The following RBM22 variants were observed in gnomAD, a reference collection of about 807,000 sequenced individuals.
RBM22 encodes RNA binding motif protein 22.
RBM22 carries 1 observed loss-of-function variant against 50.1 expected under a neutral mutation model. That is an observed-to-expected ratio of 0.02 (90% CI 0.01 to 0.09). The LOEUF (loss-of-function observed/expected upper bound fraction) is 0.09, where lower values mean the gene tolerates loss of function less well. RBM22 is among the 10% of genes least tolerant of loss of function. The pLI is 1.00. For synonymous variants in RBM22, 152 were observed against 179.0 expected, an observed-to-expected ratio of 0.85 and a Z score of 1.20; for missense variants, 264 against 529.3, an observed-to-expected ratio of 0.50 and a Z score of 4.92.
chr5:150,693,423 C>T, intron 8 of RBM22, 116 bp from the exon 9 acceptor site: 1 of 768,676 alleles, frequency 1.3e-6, no homozygotes, highest in Non-Finnish European at 2.1e-6. Context: ...TCAGCACACA[C>T]TCTTTTCCCA....
chr5:150,694,310 G>A, intron 7 of RBM22, 70 bp from the exon 8 acceptor site: 26 of 1,525,702 alleles, frequency 1.7e-5, no homozygotes, highest in Non-Finnish European at 2.2e-5. Flanking sequence ...ACTGAAAATG[G>A]ATTAACTTTC....
rs917329454 is a variant in RBM22 at position 150,700,738 on chromosome 5, G to C, written c.54+194C>G. On this transcript the variant is annotated intron_variant, in intron 1 of 10. Coordinates refer to ENST00000199814, the MANE Select transcript of RBM22 (RefSeq NM_018047.3). ...CAGGGATGGAAAGGGTGCTGGTCCC[G>C]GGACCCTGGCTAAGCCCCCTCCCTT... The C allele has an allele frequency of 7.2e-6, 11 of 1,538,360 alleles. No individual in the cohort carries two copies. In the East Asian group the frequency reaches 2.4e-4, roughly 34 times the overall value.
chr5:150,691,724 A>G lies in RBM22; in HGVS notation c.*27T>C. 1.4e-6 allele frequency: 2 copies of G among 1,480,582 alleles called. No individual in the cohort carries two copies. Among genetic ancestry groups the G allele is most frequent in the South Asian group, 2.9e-5 (2 of 68,290 alleles). The allele number at this position is 1,480,582 out of a possible 1,614,324, so 91.7% of individuals were successfully genotyped here. ...GGGAGTTTTAAGTGCCCTTTCTTCC[A>G]CAGAGCCCCAGAGTGGTGACAAGGT... On this transcript the variant is annotated 3_prime_UTR_variant, in exon 11 of 11. Transcript: ENST00000199814.
intron 1 of RBM22, 51 bp from the exon 2 acceptor site, chr5:150,700,548 A>C (rs572832596): frequency 1.2e-6 from 2 of 1,612,720 alleles, no homozygotes; most frequent in East Asian, 4.5e-5. Flanking sequence ...AGACCCTGAC[A>C]CCTCAGTGAC....
At chr5:150,700,721 G>A in intron 1 of RBM22, 1 of 1,535,330 alleles carries the variant, frequency 6.5e-7, no homozygotes, top group Non-Finnish European at 8.7e-7. Context: ...GGCAGGGATG[G>A]AAAGGGTGCT....
rs1354588832 is a variant in RBM22, at chr5:150,699,400, G to A, written c.109-129C>T. 1.5e-5 allele frequency: 20 copies of A among 1,303,466 alleles called. No individual in the cohort carries two copies. The African/African-American group carries it at 2.9e-4, about 19-fold the overall frequency. The allele number at this position is 1,303,466 out of a possible 1,614,324, so 80.7% of individuals were successfully genotyped here. On this transcript the variant is annotated intron_variant, in intron 2 of 10. Transcript: ENST00000199814. ...CTGGCATCCTAGAGAGAGAAAAACAGCAACAACAAAACCCAAAACCCAACC... is the reference window on the plus strand; with the variant it reads ...CTGGCATCCTAGAGAGAGAAAAACAACAACAACAAAACCCAAAACCCAACC...
At position 150,693,042 on chromosome 5, in the gene RBM22, T is replaced by C; in HGVS notation, c.1001-16A>G. ...GGAGGAAGAGCTGGAGGAGAGAAAA[T>C]AGTCAACACATAGAGGGGAGAACAA... On this transcript the variant is annotated splice_polypyrimidine_tract_variant and intron_variant, in intron 9 of 10. Coordinates refer to ENST00000199814, the MANE Select transcript of RBM22 (RefSeq NM_018047.3). 2.5e-6 allele frequency: 4 copies of C among 1,598,918 alleles called. No homozygotes were observed. Among genetic ancestry groups the C allele is most frequent in the Non-Finnish European group, 3.4e-6 (4 of 1,173,596 alleles).
Position 150,701,012 on chromosome 5 carries a change from G to T in RBM22, c.-27C>A. On this transcript the variant is annotated 5_prime_UTR_variant, in exon 1 of 11. Transcript: ENST00000199814. Reference sequence around the variant, plus strand: ...TTGAGAGCGTCCGGAGGTAGCTGTAGCTTCCGAATTGGGAGAGAGGACCGC... The same window carrying T: ...TTGAGAGCGTCCGGAGGTAGCTGTATCTTCCGAATTGGGAGAGAGGACCGC... The T allele has an allele frequency of 6.2e-7, 1 of 1,614,126 alleles. No individual in the cohort carries two copies. Among genetic ancestry groups the T allele is most frequent in the Non-Finnish European group, 8.5e-7 (1 of 1,179,984 alleles).
intron 7 of RBM22, 176 bp from the exon 8 acceptor site, chr5:150,694,416 T>C (rs1203886191): frequency 1.0e-5 from 10 of 1,003,766 alleles, no homozygotes; most frequent in African/African-American, 1.7e-5. Flanking sequence ...GTGCTGCTGA[T>C]TGAGAGAAGG....
chr5:150,693,134 A>G (rs1759231195), intron 9 of RBM22, 85 bp downstream of exon 9: 4 of 1,544,916 alleles, frequency 2.6e-6, no homozygotes, highest in Non-Finnish European at 3.5e-6. Flanking sequence ...GAGCGGCAAC[A>G]TGAACCAGAC....
chr5:150,692,065 C>T (rs1759216219), intron 10 of RBM22, among the ~76,000 whole-genome samples, 184 bp from the exon 11 acceptor site: 1 of 152,172 alleles, frequency 6.6e-6, no homozygotes, highest in Non-Finnish European at 1.5e-5. Context: ...ACCTTTCCCC[C>T]ACAGTCCAAA....
intron 2 of RBM22, among the ~76,000 whole-genome samples, chr5:150,699,689 T>G (rs1013645356): frequency 6.6e-6 from 1 of 152,224 alleles, no homozygotes; most frequent in Non-Finnish European, 1.5e-5. Context: ...GCCACAACTC[T>G]TAGGTTCATT....
chr5:150,692,384 G>A (rs1326379008), intron 10 of RBM22, among the ~76,000 whole-genome samples: 1 of 152,034 alleles, frequency 6.6e-6, no homozygotes, highest in Non-Finnish European at 1.5e-5. Flanking sequence ...ACCTATTTCT[G>A]GCCACTCAAG....
At chr5:150,698,903 A>AG (rs1165960132) in intron 3 of RBM22, among the ~76,000 whole-genome samples, 1 of 152,154 alleles carries the variant, frequency 6.6e-6, no homozygotes, top group East Asian at 1.9e-4. Context: ...AATCTTTTTT[A>AG]GGGGGAGTGG....
chr5:150,700,008 G>A (rs1302802013), intron 2 of RBM22, among the ~76,000 whole-genome samples: 2 of 152,174 alleles, frequency 1.3e-5, no homozygotes, highest in Non-Finnish European at 2.9e-5. Context: ...TTGTAACAAA[G>A]GGGGAATGCT....
intron 3 of RBM22, among the ~76,000 whole-genome samples, 187 bp downstream of exon 3, chr5:150,699,055 T>C (rs1447961538): frequency 6.6e-6 from 1 of 152,112 alleles, no homozygotes; most frequent in African/African-American, 2.4e-5. Context: ...AATCTCTACA[T>C]TAGAGGGTTC....
At chr5:150,700,032 T>G (rs1212690284) in intron 2 of RBM22, among the ~76,000 whole-genome samples, 1 of 152,202 alleles carries the variant, frequency 6.6e-6, no homozygotes, top group Non-Finnish European at 1.5e-5. Context: ...TTTAAAGAGA[T>G]AAAGTACACT....
chr5:150,698,334 C>G (rs540712404), intron 4 of RBM22, among the ~76,000 whole-genome samples, 165 bp downstream of exon 4: 25 of 152,254 alleles, frequency 1.6e-4, no homozygotes, highest in African/African-American at 5.8e-4. Flanking sequence ...GTTCAGGACT[C>G]TAGAGTGGCC....
Position 150,700,507 on chromosome 5 carries a change from A to G in RBM22, c.55-10T>C. On this transcript the variant is annotated splice_polypyrimidine_tract_variant and intron_variant, in intron 1 of 10. Coordinates refer to ENST00000199814, the MANE Select transcript of RBM22 (RefSeq NM_018047.3). ...ACAGAATGGGGAAGTCCTGGTGAAA[A>G]TGGGAAATCTGGTTGAGGACCACCC... The G allele has an allele frequency of 6.2e-7, 1 of 1,614,018 alleles. No individual in the cohort carries two copies.
Sources: allele counts gnomAD v4.1 joint callset (sites outside exome capture counted in the v4.1 genomes callset), GRCh38; gene constraint gnomAD v4.1.1; transcripts MANE v1.5; gene names NCBI Gene and HGNC (gene_info 2026-07-23, HGNC 2026-07-21).